Variants in COL22A1 observed in about 807,000 individuals in gnomAD.
COL22A1 encodes the protein collagen alpha-1(XXII) chain.
A neutral mutation model predicts 248.9 loss-of-function variants in COL22A1; 221 were observed. The observed-to-expected ratio is 0.89, with a 90% CI of 0.80 to 0.99. The LOEUF is 0.99. Ranked by LOEUF, COL22A1 falls within the 50% of genes least tolerant of loss-of-function variation. COL22A1 has a pLI of 0.00. For synonymous variants in COL22A1, 891 were observed against 793.4 expected (o/e 1.12, Z -2.07); for missense variants, 2,240 against 2,179.0 (o/e 1.03, Z -0.56).
chr8:138,679,688 A>G lies in COL22A1; in HGVS notation c.3013-12T>C. 1.2e-6 allele frequency: 2 copies of G among 1,613,064 alleles called. No homozygotes were observed. The highest frequency in any genetic ancestry group is 1.7e-6 in the Non-Finnish European group (2 of 1,179,104). On this transcript the variant is annotated splice_polypyrimidine_tract_variant and intron_variant, in intron 39 of 64. Transcript: ENST00000303045. ...TTTCCGCAAGCAGCCTGAAAGTAGA[A>G]AATCTTCACTCATTTCTTCACCAAA...
At chr8:138,604,392 C>T (rs4446747) in intron 59 of COL22A1, among the ~76,000 whole-genome samples, 97,763 of 152,076 alleles carry the variant, frequency 0.64, 33,434 homozygotes, top group Middle Eastern at 0.82. Context: ...GGTGACAGAT[C>T]AGATCAGAGT....
intron 23 of COL22A1, among the ~76,000 whole-genome samples, chr8:138,734,801 T>C (rs1396265801): frequency 1.3e-5 from 2 of 152,064 alleles, no homozygotes; most frequent in East Asian, 3.9e-4. Context: ...ATAGACTGGA[T>C]AAAGAAAAGG....
chr8:138,689,014 T>G (rs553737374), intron 36 of COL22A1, 44 bp from the exon 37 acceptor site: 1 of 1,509,674 alleles, frequency 6.6e-7, no homozygotes, highest in Non-Finnish European at 9.2e-7. Flanking sequence ...TAAAGATGAC[T>G]GGTCACTCTT....
chr8:138,619,438 A>C lies in COL22A1; in HGVS notation c.3825+17T>G. 2 of 1,613,084 alleles carry C rather than the reference A, an allele frequency of 1.2e-6. No individual in the cohort carries two copies. The highest frequency in any genetic ancestry group is 1.1e-5 in the South Asian group (1 of 91,036). ...TGGGCTTGGTTCTACCGTTCCCCAC[A>C]CACACTACACACTTACAGGTGGGCC... On this transcript the variant is annotated intron_variant, in intron 53 of 64. Coordinates refer to ENST00000303045, the MANE Select transcript of COL22A1 (RefSeq NM_152888.3).
chr8:138,831,404 T>C (rs938191115), intron 5 of COL22A1, among the ~76,000 whole-genome samples: 25 of 152,208 alleles, frequency 1.6e-4, no homozygotes, highest in African/African-American at 6.0e-4. Flanking sequence ...AGTTCCTTTC[T>C]AGGACTTCTC....
chr8:138,601,024 A>G (rs1817959539), intron 60 of COL22A1, among the ~76,000 whole-genome samples: 1 of 152,232 alleles, frequency 6.6e-6, no homozygotes, highest in African/African-American at 2.4e-5. Context: ...CCATGAAAGC[A>G]CTTAACAGGG....
chr8:138,912,972 T>A (rs1815559792), intron 1 of COL22A1, among the ~76,000 whole-genome samples: 1 of 152,052 alleles, frequency 6.6e-6, no homozygotes, highest in South Asian at 2.1e-4. Flanking sequence ...CAAATCGTGC[T>A]CAATAAAGTG....
At chr8:138,897,211 T>C (rs1825481936) in intron 1 of COL22A1, among the ~76,000 whole-genome samples, 4 of 152,140 alleles carry the variant, frequency 2.6e-5, no homozygotes, top group South Asian at 2.1e-4. Flanking sequence ...ACATTTACTA[T>C]TTACCTTACT....
intron 16 of COL22A1, among the ~76,000 whole-genome samples, chr8:138,771,438 C>A (rs1834358796): frequency 6.6e-6 from 1 of 152,182 alleles, no homozygotes; most frequent in Non-Finnish European, 1.5e-5. Flanking sequence ...GCTCAGTTTC[C>A]CCCGCTTCAC....
intron 3 of COL22A1, among the ~76,000 whole-genome samples, chr8:138,870,567 G>A (rs778977642): frequency 3.3e-5 from 5 of 151,890 alleles, no homozygotes; most frequent in Non-Finnish European, 7.4e-5. Context: ...TGCGTGTGGT[G>A]TGCAGACTGT....
intron 45 of COL22A1, 70 bp downstream of exon 45, chr8:138,655,827 T>C: frequency 7.5e-7 from 1 of 1,325,058 alleles, no homozygotes; most frequent in East Asian, 2.3e-5. Flanking sequence ...AAACCCCAAC[T>C]TATTATCAAG....
At chr8:138,743,351 T>TTGATGG (rs139655941) in intron 22 of COL22A1, among the ~76,000 whole-genome samples, 52 of 99,058 alleles carry the variant, frequency 5.2e-4, no homozygotes, top group African/African-American at 7.8e-4. Flanking sequence ...GATGGTGGAG[T>TTGATGG]TGATGGTGAT....
intron 37 of COL22A1, among the ~76,000 whole-genome samples, chr8:138,688,567 G>A (rs544842677): frequency 6.6e-6 from 1 of 152,206 alleles, no homozygotes; most frequent in African/African-American, 2.4e-5. Context: ...ACGTGTGTGA[G>A]CATAGGTGTA....
chr8:138,650,740 A>G (rs1293991736), intron 45 of COL22A1, among the ~76,000 whole-genome samples: 3 of 152,134 alleles, frequency 2.0e-5, no homozygotes, highest in East Asian at 3.9e-4. Flanking sequence ...ATACACAGAT[A>G]CATATAGATA....
chr8:138,698,740 G>C (rs1586492174), intron 32 of COL22A1, among the ~76,000 whole-genome samples: 1 of 151,422 alleles, frequency 6.6e-6, no homozygotes. Flanking sequence ...ATGCAGGTGA[G>C]AGAGGTGCGG....
intron 1 of COL22A1, among the ~76,000 whole-genome samples, chr8:138,889,075 T>C (rs1313841191): frequency 6.6e-6 from 1 of 152,184 alleles, no homozygotes; most frequent in Non-Finnish European, 1.5e-5. Flanking sequence ...CATGAGCTCA[T>C]GTGACTCTTC....
At chr8:138,803,619 T>C (rs1247182433) in intron 10 of COL22A1, among the ~76,000 whole-genome samples, 1 of 152,194 alleles carries the variant, frequency 6.6e-6, no homozygotes, top group African/African-American at 2.4e-5. Flanking sequence ...CCTGTGTACC[T>C]GGGGCCCTCA....
intron 5 of COL22A1, among the ~76,000 whole-genome samples, chr8:138,828,868 G>A (rs970086449): frequency 2.0e-5 from 3 of 152,186 alleles, no homozygotes; most frequent in African/African-American, 7.2e-5. Context: ...GCTCTCCTGG[G>A]CTCTTCTCTT....
intron 29 of COL22A1, among the ~76,000 whole-genome samples, 179 bp downstream of exon 29, chr8:138,716,048 C>A (rs1294714798): frequency 6.6e-6 from 1 of 152,102 alleles, no homozygotes; most frequent in Non-Finnish European, 1.5e-5. Flanking sequence ...TCCTTTGTCC[C>A]AGCTCAAGGA....
Sources: gnomAD v4.1 joint callset for allele counts (sites outside exome capture counted in the v4.1 genomes callset) on GRCh38, gnomAD v4.1.1 for gene constraint, MANE v1.5 for transcripts, NCBI Gene and HGNC (gene_info 2026-07-23, HGNC 2026-07-21) for gene names.